The following ATM variants were observed in gnomAD, a reference collection of about 807,000 sequenced individuals.
ATM encodes the protein ATM serine/threonine kinase, also known as serine-protein kinase ATM.
In ATM, 308 loss-of-function variants were observed where a neutral mutation model predicts 387.0. That is an observed-to-expected ratio of 0.80 (90% CI 0.73 to 0.87). The LOEUF (loss-of-function observed/expected upper bound fraction) is 0.87. Among genes scored for constraint, ATM ranks in the 40% least tolerant of loss-of-function variants. ATM has a pLI of 0.00. For synonymous variants in ATM, 1,156 were observed against 1,187.3 expected (o/e 0.97, Z 0.54); for missense variants, 3,312 against 3,560.9 (o/e 0.93, Z 1.78).
In ATM at chr11:108,227,887, A is replaced by G. The variant is rs876659407; in HGVS notation, c.184A>G (p.Arg62Gly). The G allele has an allele frequency of 4.4e-6, 7 of 1,605,892 alleles. No individual in the cohort carries two copies. Among genetic ancestry groups the G allele is most frequent in the Non-Finnish European group, 5.1e-6 (6 of 1,174,218 alleles). ...GKYLNWDAVF[R>G]FLQKYIQKET... ...ATATTTGAATTGGGATGCTGTTTTT[A>G]GGTATTCTATTCAAATTTATTTTAC... The change falls in exon 3 of 63, where the codon AGA becomes GGA. Residue 62 changes from arginine (R) to glycine (G), a missense_variant and splice_region_variant. Coordinates refer to ENST00000675843, the MANE Select transcript of ATM (RefSeq NM_000051.4).
At chr11:108,261,628 A>G (rs1363797456) in intron 16 of ATM, among the ~76,000 whole-genome samples, 1 of 152,206 alleles carries the variant, frequency 6.6e-6, no homozygotes, top group Non-Finnish European at 1.5e-5. Context: ...ACAAAGCTGG[A>G]TGGAGAATGA....
chr11:108,332,472 A>C (rs1302653812), intron 52 of ATM, among the ~76,000 whole-genome samples: 1 of 152,004 alleles, frequency 6.6e-6, no homozygotes, highest in Non-Finnish European at 1.5e-5. Flanking sequence ...TTGGTTCAAA[A>C]TTCCTTAATA....
In ATM at chr11:108,354,893, A is replaced by T. The variant is rs1258433978; in HGVS notation, c.8850+19A>T. 1 of 1,600,536 alleles carries T rather than the reference A, an allele frequency of 6.2e-7. No individual in the cohort carries two copies. The highest frequency in any genetic ancestry group is 1.7e-5 in the Admixed American group (1 of 59,996). On this transcript the variant is annotated intron_variant, in intron 61 of 62. Coordinates refer to ENST00000675843, the MANE Select transcript of ATM (RefSeq NM_000051.4). The stretch of plus-strand genomic sequence containing the variant: ...TGTAGAGGTAAAGTATTTTATAAGG[A>T]AGACTTTATTTTTTTTCTTACCAGG...
At chr11:108,250,576 A>G in intron 9 of ATM, 125 bp from the exon 10 acceptor site, 1 of 1,070,740 alleles carries the variant, frequency 9.3e-7, no homozygotes, top group Non-Finnish European at 1.3e-6. Flanking sequence ...TTATTTTTAG[A>G]GTACTATGGA....
intron 61 of ATM, among the ~76,000 whole-genome samples, chr11:108,358,552 C>T (rs1483037298): frequency 1.3e-4 from 17 of 129,172 alleles, no homozygotes; most frequent in African/African-American, 3.5e-4. Context: ...AGAGAAAGGT[C>T]GGGTTACCCT....
In ATM at chr11:108,345,870, G is replaced by A. The variant is rs587782202; in HGVS notation, c.8546G>A (p.Arg2849Gln). Residue 2849 changes from arginine to glutamine, a missense_variant, in exon 58 of 63, where the codon CGA (arginine) becomes CAA (glutamine). By Grantham distance (43) the Arg-to-Gln change is conservative. Around this residue, in one of 4 missense-constraint regions of ATM, gnomAD observed 1,405 missense variants for 1,604.4 expected, o/e 0.88. Transcript: ENST00000675843. The stretch of plus-strand genomic sequence containing the variant: ...GATCCAGCTATTTGGTTTGAGAAGC[G>A]ATTGGCTTATACGCGCAGTGTAGCT... ...FLDPAIWFEK[R>Q]LAYTRSVATS... The A allele has an allele frequency of 8.1e-6, 13 of 1,613,824 alleles. No homozygotes were observed. The South Asian group carries it at 8.8e-5, about 11-fold the overall frequency.
At chr11:108,294,350 A>G (rs1054755387) in intron 31 of ATM, among the ~76,000 whole-genome samples, 2 of 152,238 alleles carry the variant, frequency 1.3e-5, no homozygotes, top group African/African-American at 4.8e-5. Flanking sequence ...TAAGATGTAA[A>G]GTTATACTAC....
chr11:108,311,679 C>T (rs1158290114), intron 39 of ATM, among the ~76,000 whole-genome samples: 3 of 150,268 alleles, frequency 2.0e-5, no homozygotes, highest in African/African-American at 7.4e-5. Context: ...GCCTAGGCGA[C>T]AGAGCGAGAC....
chr11:108,356,935 G>A (rs2090014093), intron 61 of ATM, among the ~76,000 whole-genome samples: 1 of 152,196 alleles, frequency 6.6e-6, no homozygotes, highest in Non-Finnish European at 1.5e-5. Flanking sequence ...CCCTCCGGGA[G>A]GAGGAGCCAA....
At chr11:108,298,865 A>G (rs1200715462) in intron 33 of ATM, among the ~76,000 whole-genome samples, 1 of 152,260 alleles carries the variant, frequency 6.6e-6, no homozygotes, top group East Asian at 1.9e-4. Flanking sequence ...AGATCAACAC[A>G]TAATTAGTGG....
chr11:108,263,864 TAAAC>T (rs2081059857), intron 16 of ATM, among the ~76,000 whole-genome samples: 1 of 150,578 alleles, frequency 6.6e-6, no homozygotes, highest in Non-Finnish European at 1.5e-5. Flanking sequence ...TCTACGCAAA[TAAAC>T]TAGAAAATCT....
intron 61 of ATM, among the ~76,000 whole-genome samples, chr11:108,364,486 A>G (rs954080052): frequency 6.6e-6 from 1 of 152,198 alleles, no homozygotes; most frequent in African/African-American, 2.4e-5. Flanking sequence ...ATATATCTCA[A>G]GATTCCAAAC....
At chr11:108,237,989 C>T (rs1254224500) in intron 5 of ATM, among the ~76,000 whole-genome samples, 3 of 145,312 alleles carry the variant, frequency 2.1e-5, no homozygotes, top group South Asian at 2.2e-4. Flanking sequence ...TGCAGTGGCA[C>T]GATCTCACCT....
chr11:108,302,064 TAGAA>T (rs2083460024), intron 35 of ATM, among the ~76,000 whole-genome samples: 2 of 152,132 alleles, frequency 1.3e-5, no homozygotes, highest in South Asian at 2.1e-4. Flanking sequence ...TTTTTAGAAA[TAGAA>T]AGCGCTACTT....
chr11:108,310,344 A>T, intron 39 of ATM, 29 bp downstream of exon 39: 1 of 1,591,854 alleles, frequency 6.3e-7, no homozygotes, highest in Non-Finnish European at 8.6e-7. Flanking sequence ...TTTGGTTTTT[A>T]AAATTAATGT....
At chr11:108,332,971 G>GA (rs1177654565) in intron 53 of ATM, 71 bp downstream of exon 53, 5 of 1,536,848 alleles carry the variant, frequency 3.3e-6, no homozygotes, top group Non-Finnish European at 3.6e-6. Context: ...ATTAGTTATA[G>GA]AGCCTAATAA....
In ATM at chr11:108,299,847, A is replaced by C. The variant is rs1233346885; in HGVS notation, c.5139A>C (p.Ile1713=). The C allele has an allele frequency of 6.2e-7, 1 of 1,613,946 alleles. No homozygotes were observed. Among genetic ancestry groups the C allele is most frequent in the Middle Eastern group, 1.7e-4 (1 of 6,054 alleles). Residue 1713 remains isoleucine, a synonymous_variant, in exon 34 of 63, where the codon ATA becomes ATC. Transcript: ENST00000675843. The part of the protein sequence containing the change: ...FEDKELQWTF[I]MLTYLNNTLV... The stretch of plus-strand genomic sequence containing the variant: ...ATAAAGAACTTCAGTGGACCTTCAT[A>C]ATGCTGACCTACCTGAATAACACAC...
rs915774985 is a variant in ATM, at chr11:108,366,343, T to C, written c.*835T>C. ...TTCTTCTTTCAGAAATTGTTTTTCA[T>C]TTCTAATTATGCATCATTTTTCAGA... On this transcript the variant is annotated 3_prime_UTR_variant, in exon 63 of 63. Transcript: ENST00000675843. The C allele has an allele frequency of 4.2e-5, 9 of 212,636 alleles. No homozygotes were observed. The highest frequency in any genetic ancestry group is 7.6e-5 in the Non-Finnish European group (8 of 105,074). 13.2% of individuals were successfully genotyped at this position (212,636 alleles called of 1,614,324 possible).
At chr11:108,268,353 A>T (rs2135521314) in intron 17 of ATM, 57 bp from the exon 18 acceptor site, 6 of 1,506,378 alleles carry the variant, frequency 4.0e-6, no homozygotes, top group Middle Eastern at 3.9e-4. Flanking sequence ...AGTTAATATG[A>T]CTATATATGG....
Sources: allele counts gnomAD v4.1 joint callset (sites outside exome capture counted in the v4.1 genomes callset), GRCh38; gene constraint gnomAD v4.1.1; regional missense constraint gnomAD v4.1.1; transcripts MANE v1.5; gene names NCBI Gene and HGNC (gene_info 2026-07-23, HGNC 2026-07-21).